INPP5B: variants seen among roughly 807,000 people sequenced by gnomAD.
The protein encoded by INPP5B is inositol polyphosphate-5-phosphatase B.
INPP5B carries 90 observed loss-of-function variants against 118.5 expected under a neutral mutation model. The ratio of observed to expected loss-of-function variants is 0.76; its 90% CI spans 0.64 to 0.90. The LOEUF (loss-of-function observed/expected upper bound fraction) is 0.90, where lower values mean the gene tolerates loss of function less well. INPP5B is among the 40% of genes least tolerant of loss of function. INPP5B has a pLI of 0.00. For missense variants in INPP5B, 984 were observed against 1,125.6 expected (o/e 0.87, Z 1.80); for synonymous variants, 385 against 418.9 (o/e 0.92, Z 0.99).
intron 5 of INPP5B, among the ~76,000 whole-genome samples, chr1:37,941,498 A>G (rs1309812683): frequency 1.3e-5 from 2 of 151,888 alleles, no homozygotes; most frequent in Non-Finnish European, 2.9e-5. Context: ...CCCAATCTCT[A>G]TAAAAAATTA....
intron 6 of INPP5B, among the ~76,000 whole-genome samples, chr1:37,939,087 G>A (rs528997769): frequency 3.8e-4 from 58 of 150,760 alleles, no homozygotes; most frequent in Middle Eastern, 6.8e-3. Flanking sequence ...CCAGCTACTC[G>A]GGAGGCTGAA....
At chr1:37,927,697 C>T (rs1037210780) in intron 7 of INPP5B, among the ~76,000 whole-genome samples, 1 of 151,848 alleles carries the variant, frequency 6.6e-6, no homozygotes, top group Admixed American at 6.6e-5. Flanking sequence ...CCACCATGCC[C>T]GGCTAATTTT....
At chr1:37,901,557 C>T (rs1254358071) in intron 7 of INPP5B, among the ~76,000 whole-genome samples, 3 of 152,142 alleles carry the variant, frequency 2.0e-5, no homozygotes, top group Non-Finnish European at 4.4e-5. Flanking sequence ...ATTCAGTTCA[C>T]GGCCAGGGGT....
intron 19 of INPP5B, among the ~76,000 whole-genome samples, chr1:37,872,520 A>G (rs530224166): frequency 3.6e-4 from 54 of 151,954 alleles, no homozygotes; most frequent in African/African-American, 1.2e-3. Flanking sequence ...TTCTTCTCTC[A>G]TGTTCTTGCC....
At chr1:37,916,301 C>T (rs1466385832) in intron 7 of INPP5B, among the ~76,000 whole-genome samples, 2 of 152,008 alleles carry the variant, frequency 1.3e-5, no homozygotes, top group Non-Finnish European at 2.9e-5. Flanking sequence ...GCCATCTTGC[C>T]CAGTCTGGTC....
intron 6 of INPP5B, among the ~76,000 whole-genome samples, chr1:37,937,660 G>A (rs530046509): frequency 1.3e-5 from 2 of 151,784 alleles, no homozygotes; most frequent in East Asian, 2.0e-4. Flanking sequence ...CCAGCTACTC[G>A]GGACGCTGAG....
intron 7 of INPP5B, among the ~76,000 whole-genome samples, chr1:37,918,453 G>A (rs1407341556): frequency 6.6e-6 from 1 of 151,944 alleles, no homozygotes; most frequent in East Asian, 1.9e-4. Flanking sequence ...CTACTTTTTG[G>A]CCACCTCTCC....
chr1:37,936,232 C>G (rs895029070), intron 6 of INPP5B, among the ~76,000 whole-genome samples: 1 of 152,142 alleles, frequency 6.6e-6, no homozygotes. Context: ...CAGTCCCCAC[C>G]AAAGGTCCTG....
intron 15 of INPP5B, 195 bp from the exon 16 acceptor site, chr1:37,878,518 T>A: frequency 1.0e-6 from 1 of 985,216 alleles, no homozygotes; most frequent in South Asian, 4.7e-5. Context: ...AAAACAACCA[T>A]GAAAGCTCAA....
chr1:37,871,155 C>CAA lies in INPP5B; in HGVS notation c.2187+1773_2187+1774dup, dbSNP rs34490677. Among the ~76,000 whole-genome samples, 134 of 48,788 alleles carry CAA rather than the reference C, an allele frequency of 2.7e-3. 1 individual carries two copies. Among genetic ancestry groups the CAA allele is most frequent in the South Asian group, 0.012 (14 of 1,136 alleles). 32.0% of individuals were successfully genotyped at this position (48,788 alleles called of 152,430 possible). ...CCTGGGTGACAGAGTAAGACTGTCT[C>CAA]AAAAAAAAAAAAAAAAAAAAGGCCG... On this transcript the variant is annotated intron_variant, in intron 19 of 23. Transcript: ENST00000373024.
chr1:37,921,373 C>T (rs961587656), intron 7 of INPP5B, among the ~76,000 whole-genome samples: 3 of 152,144 alleles, frequency 2.0e-5, no homozygotes, highest in African/African-American at 4.8e-5. Context: ...CACAGGGCAC[C>T]TGGCATTGAA....
chr1:37,908,524 G>A (rs541522918), intron 7 of INPP5B, among the ~76,000 whole-genome samples: 2 of 151,362 alleles, frequency 1.3e-5, no homozygotes, highest in South Asian at 4.2e-4. Flanking sequence ...GATAGCTTGA[G>A]CCCAGGAGTT....
chr1:37,875,592 C>G lies in INPP5B; in HGVS notation c.1788+14G>C, dbSNP rs1433027401. ...CTGAGCCCAATGCTAATATTCTTAA[C>G]ATGTCCTTCCTACCTCTCGCTTGGA... is the stretch of plus-strand genomic sequence containing the variant. On this transcript the variant is annotated intron_variant, in intron 17 of 23. Coordinates refer to ENST00000373024, the MANE Select transcript of INPP5B (RefSeq NM_005540.3). The G allele has an allele frequency of 6.3e-7, 1 of 1,596,872 alleles. No homozygotes were observed.
chr1:37,933,856 A>G (rs978391863), intron 6 of INPP5B, among the ~76,000 whole-genome samples: 11 of 151,260 alleles, frequency 7.3e-5, no homozygotes, highest in African/African-American at 1.9e-4. Flanking sequence ...CTTTGGCATC[A>G]GAAACTGAAG....
intron 6 of INPP5B, among the ~76,000 whole-genome samples, chr1:37,940,118 C>A (rs905330036): frequency 2.0e-5 from 3 of 152,126 alleles, no homozygotes; most frequent in Non-Finnish European, 2.9e-5. Context: ...AGCCCCAGCA[C>A]CTGTTGGCTT....
rs1323234506 is a variant in INPP5B at position 37,863,866 on chromosome 1, G to A, written c.2626+446C>T. 1.5e-4 allele frequency among the ~76,000 whole-genome samples: 22 copies of A among 146,820 alleles called. No individual in the cohort carries two copies. The Admixed American group carries it at 1.5e-3, about 10-fold the overall frequency. ...GTCTCACTCTGTCGCCCAGGCTGGA[G>A]TGCAGTGGTGCGGTCTCGGGTCACT... On this transcript the variant is annotated intron_variant, in intron 23 of 23. Transcript: ENST00000373024.
At chr1:37,877,203 G>T (rs1042004005) in intron 16 of INPP5B, among the ~76,000 whole-genome samples, 1 of 151,560 alleles carries the variant, frequency 6.6e-6, no homozygotes, top group Admixed American at 6.6e-5. Context: ...ATAGCCAGAC[G>T]TGGTGTAATG....
intron 7 of INPP5B, chr1:37,930,353 T>A (rs752393523): frequency 3.3e-5 from 5 of 152,262 alleles, no homozygotes; most frequent in Non-Finnish European, 5.9e-5. Context: ...TCGGGGCAGC[T>A]AACTGGCTTC....
chr1:37,895,937 C>A (rs1423650586), intron 7 of INPP5B, among the ~76,000 whole-genome samples: 1 of 152,178 alleles, frequency 6.6e-6, no homozygotes, highest in East Asian at 1.9e-4. Flanking sequence ...GCCACCACCC[C>A]GTCTGGGAAG....
Sources: allele counts gnomAD v4.1 joint callset (sites outside exome capture counted in the v4.1 genomes callset), GRCh38; gene constraint gnomAD v4.1.1; transcripts MANE v1.5; gene names NCBI Gene and HGNC (gene_info 2026-07-23, HGNC 2026-07-21).